Variants in GAPVD1 observed in about 807,000 individuals in gnomAD.
The protein encoded by GAPVD1 is GTPase activating protein and VPS9 domains 1, also known as GTPase-activating protein and VPS9 domain-containing protein 1.
GAPVD1 carries 35 observed loss-of-function variants against 155.5 expected under a neutral mutation model. The ratio of observed to expected loss-of-function variants is 0.23; its 90% CI spans 0.17 to 0.30. GAPVD1 has a LOEUF of 0.30. GAPVD1 is among the 10% of genes least tolerant of loss of function. The pLI is 1.00. For synonymous variants in GAPVD1, 636 were observed against 619.7 expected (o/e 1.03, Z -0.39); for missense variants, 1,429 against 1,775.7 (o/e 0.80, Z 3.51).
intron 2 of GAPVD1, among the ~76,000 whole-genome samples, chr9:125,291,339 T>A (rs969296426): frequency 1.3e-5 from 2 of 152,138 alleles, no homozygotes; most frequent in African/African-American, 2.4e-5. Context: ...TTTCCCCAGC[T>A]ACATGTGTGG....
At chr9:125,264,221 G>A in intron 1 of GAPVD1, 1 of 595,116 alleles carries the variant, frequency 1.7e-6, no homozygotes, top group Non-Finnish European at 3.0e-6. Context: ...TTGAGACGGA[G>A]TCTGGCTCTG....
At chr9:125,289,493 T>A (rs986865548) in intron 2 of GAPVD1, among the ~76,000 whole-genome samples, 2 of 152,178 alleles carry the variant, frequency 1.3e-5, no homozygotes, top group African/African-American at 4.8e-5. Context: ...TGATATGGAT[T>A]GGGTATAGGA....
intron 6 of GAPVD1, among the ~76,000 whole-genome samples, chr9:125,305,658 C>T (rs187988915): frequency 7.1e-4 from 108 of 152,194 alleles, no homozygotes; most frequent in African/African-American, 2.5e-3. Flanking sequence ...CGTGAGCCAC[C>T]GCGCCTGGCC....
intron 1 of GAPVD1, among the ~76,000 whole-genome samples, chr9:125,268,457 G>A (rs1469308725): frequency 1.4e-5 from 2 of 138,768 alleles, no homozygotes; most frequent in East Asian, 2.1e-4. Context: ...GTATGCTTCA[G>A]TTTCATTAGT....
At chr9:125,337,726 A>G (rs952530193) in intron 17 of GAPVD1, 135 bp downstream of exon 17, 52 of 921,216 alleles carry the variant, frequency 5.6e-5, no homozygotes, top group Non-Finnish European at 7.5e-5. Flanking sequence ...TTGTCAATCT[A>G]TGGGCCCACA....
In GAPVD1 at chr9:125,363,029, A is replaced by C. The variant is rs985674678; in HGVS notation, c.*283A>C. 2 of 180,624 alleles carry C rather than the reference A, an allele frequency of 1.1e-5. No homozygotes were observed. Among genetic ancestry groups the C allele is most frequent in the Admixed American group, 1.2e-4 (2 of 16,134 alleles). The allele number at this position is 180,624 out of a possible 1,614,324, so 11.2% of individuals were successfully genotyped here. ...TTTTTCAAGTATTTCTAAGTATAAA[A>C]AACAAAACAAAAATCTCTTAGGAAA... On this transcript the variant is annotated 3_prime_UTR_variant, in exon 28 of 28. Transcript: ENST00000297933.
chr9:125,269,727 T>C (rs984013303), intron 2 of GAPVD1, among the ~76,000 whole-genome samples: 5 of 143,048 alleles, frequency 3.5e-5, no homozygotes, highest in Non-Finnish European at 7.6e-5. Flanking sequence ...TTTTTTTTTT[T>C]TTTTTTTGGA....
chr9:125,270,289 T>G (rs938235260), intron 2 of GAPVD1, among the ~76,000 whole-genome samples: 4 of 151,218 alleles, frequency 2.6e-5, no homozygotes, highest in African/African-American at 7.3e-5. Context: ...ATTAGCTGGG[T>G]GTGGTGGCGC....
At chr9:125,350,499 C>A in intron 22 of GAPVD1, 95 bp downstream of exon 22, 1 of 829,088 alleles carries the variant, frequency 1.2e-6, no homozygotes, top group Non-Finnish European at 2.0e-6. Flanking sequence ...TACAGCAATT[C>A]CATATGGTTC....
chr9:125,334,451 A>G (rs1372879489), intron 15 of GAPVD1, among the ~76,000 whole-genome samples: 1 of 152,236 alleles, frequency 6.6e-6, no homozygotes, highest in Non-Finnish European at 1.5e-5. Flanking sequence ...CTCAAGAAGC[A>G]CTTATGGATT....
rs1373081190 is a variant in GAPVD1 at position 125,346,950 on chromosome 9, C to G, written c.3169+9C>G. On this transcript the variant is annotated intron_variant, in intron 20 of 27. Coordinates refer to ENST00000297933, the MANE Select transcript of GAPVD1 (RefSeq NM_001282680.3). ...AAACTATGAAAGTACAGGTGATAAT[C>G]ATGACAGAGATTTGAGTAGTAAACT... 3.7e-6 allele frequency: 6 copies of G among 1,611,890 alleles called. No homozygotes were observed. Among genetic ancestry groups the G allele is most frequent in the Non-Finnish European group, 5.1e-6 (6 of 1,177,990 alleles).
At chr9:125,265,345 C>T (rs889673620) in intron 1 of GAPVD1, among the ~76,000 whole-genome samples, 2 of 151,954 alleles carry the variant, frequency 1.3e-5, no homozygotes, top group Non-Finnish European at 2.9e-5. Flanking sequence ...TTGAGTGATC[C>T]TCCTGCCTCA....
chr9:125,287,948 G>A (rs547155274), intron 2 of GAPVD1: 2 of 151,814 alleles, frequency 1.3e-5, no homozygotes, highest in Admixed American at 1.3e-4. Flanking sequence ...CCATGTTGAC[G>A]AGGCTGGTCT....
chr9:125,366,971 A>T lies in GAPVD1; in HGVS notation c.*4225A>T, dbSNP rs995129867. The T allele has an allele frequency of 2.7e-4, 41 of 152,260 alleles. No homozygotes were observed. The highest frequency in any genetic ancestry group is 9.9e-4 in the African/African-American group (41 of 41,546). The allele number at this position is 152,260 out of a possible 1,614,324, so 9.4% of individuals were successfully genotyped here. On this transcript the variant is annotated 3_prime_UTR_variant, in exon 28 of 28. Coordinates refer to ENST00000297933, the MANE Select transcript of GAPVD1 (RefSeq NM_001282680.3). ...GTGGGTAGCGGCCATGCACTAGGGGAATTCACCTCTGTCAAATTAATACTC... is the reference window on the plus strand; with the variant it reads ...GTGGGTAGCGGCCATGCACTAGGGGTATTCACCTCTGTCAAATTAATACTC...
chr9:125,363,906 T>C lies in GAPVD1; in HGVS notation c.*1160T>C, dbSNP rs1851255307. The C allele has an allele frequency of 6.6e-6, 1 of 152,670 alleles. No homozygotes were observed. Among genetic ancestry groups the C allele is most frequent in the Non-Finnish European group, 1.5e-5 (1 of 68,048 alleles). 9.5% of individuals were successfully genotyped at this position (152,670 alleles called of 1,614,324 possible). A position where few individuals can be genotyped will look rare whatever the true frequency, so the allele number is the denominator to read the frequency against. On this transcript the variant is annotated 3_prime_UTR_variant, in exon 28 of 28. Transcript: ENST00000297933. ...AAAAAAAGTCTGTGTTTTCATAGTT[T>C]GGTTTGCATTGTATATCAATAATTA...
At chr9:125,284,239 C>T (rs1463151534) in intron 2 of GAPVD1, among the ~76,000 whole-genome samples, 1 of 138,644 alleles carries the variant, frequency 7.2e-6, no homozygotes, top group African/African-American at 2.8e-5. Flanking sequence ...GGCCGAAGTG[C>T]AGTGGTGCGA....
At chr9:125,359,265 T>C (rs983697837) in intron 25 of GAPVD1, among the ~76,000 whole-genome samples, 155 bp from the exon 26 acceptor site, 7 of 152,306 alleles carry the variant, frequency 4.6e-5, no homozygotes, top group African/African-American at 1.7e-4. Flanking sequence ...AAAGAATACT[T>C]ATCTAAGAGG....
chr9:125,353,967 G>A (rs950973872), intron 23 of GAPVD1, among the ~76,000 whole-genome samples: 3 of 152,166 alleles, frequency 2.0e-5, no homozygotes, highest in African/African-American at 7.2e-5. Context: ...CACAAAAGCA[G>A]GTAAAGAGGT....
At chr9:125,264,193 CTT>C in intron 1 of GAPVD1, 1 of 625,540 alleles carries the variant, frequency 1.6e-6, no homozygotes, top group Non-Finnish European at 2.9e-6. Flanking sequence ...TCAGGGTAGT[CTT>C]TTGTTTTGTT....
Sources: gnomAD v4.1 joint callset for allele counts (sites outside exome capture counted in the v4.1 genomes callset) on GRCh38, gnomAD v4.1.1 for gene constraint, MANE v1.5 for transcripts, NCBI Gene and HGNC (gene_info 2026-07-23, HGNC 2026-07-21) for gene names.